Variants in UGT1A8 observed in about 807,000 individuals in gnomAD.
UGT1A8 encodes the protein UDP-glucuronosyltransferase 1A8.
In UGT1A8, 39 loss-of-function variants were observed where a neutral mutation model predicts 45.3. The ratio of observed to expected loss-of-function variants is 0.86; its 90% CI spans 0.67 to 1.12. The LOEUF is 1.12. UGT1A8 is among the 50% of genes most tolerant of loss of function. UGT1A8 has a pLI of 0.00. For synonymous variants in UGT1A8, 275 were observed against 249.2 expected (o/e 1.10, Z -0.97); for missense variants, 719 against 664.9 (o/e 1.08, Z -0.90).
At chr2:233,687,583 T>TAA (rs71398794) in intron 1 of UGT1A8, among the ~76,000 whole-genome samples, 17 of 107,406 alleles carry the variant, frequency 1.6e-4, no homozygotes, top group Admixed American at 4.2e-4. Flanking sequence ...ACATTCTTTG[T>TAA]AAAAAAAAAA....
chr2:233,699,542 A>G (rs572056106), intron 1 of UGT1A8, among the ~76,000 whole-genome samples: 2 of 152,328 alleles, frequency 1.3e-5, no homozygotes, highest in East Asian at 3.9e-4. Context: ...CATTCACATC[A>G]TAGAGCCAGG....
intron 1 of UGT1A8, among the ~76,000 whole-genome samples, chr2:233,629,730 A>G (rs985711746): frequency 2.0e-5 from 3 of 152,154 alleles, no homozygotes; most frequent in African/African-American, 4.8e-5. Flanking sequence ...TGGATTCATC[A>G]GTGTTGTCAT....
intron 1 of UGT1A8, among the ~76,000 whole-genome samples, chr2:233,724,704 C>T (rs867669613): frequency 2.8e-5 from 4 of 144,994 alleles, no homozygotes; most frequent in Non-Finnish European, 6.0e-5. Flanking sequence ...AGACGCTCCT[C>T]GCTTTCCAGA....
chr2:233,716,819 C>A (rs1378965211), intron 1 of UGT1A8, among the ~76,000 whole-genome samples: 1 of 152,146 alleles, frequency 6.6e-6, no homozygotes, highest in Non-Finnish European at 1.5e-5. Flanking sequence ...GCTGGGGTGA[C>A]CTCACTGACA....
rs574966930 is a variant in UGT1A8 at position 233,766,325 on chromosome 2, G to A, written c.856-709G>A. ...CCTCCGACTGCCTCAGCCAAACTCC[G>A]CGTTGTTCTGCTGGTCAGTGGCCTG... On this transcript the variant is annotated intron_variant, in intron 1 of 4. Coordinates refer to ENST00000373450, the MANE Select transcript of UGT1A8 (RefSeq NM_019076.5). Among the ~76,000 whole-genome samples the A allele has an allele frequency of 2.9e-4, 44 of 152,228 alleles. 1 individual carries two copies. The highest frequency in any genetic ancestry group is 4.6e-4 in the Admixed American group (7 of 15,302).
At chr2:233,767,000 A>C (rs750045241) in intron 1 of UGT1A8, 34 bp from the exon 2 acceptor site, 2 of 1,613,618 alleles carry the variant, frequency 1.2e-6, no homozygotes, top group Non-Finnish European at 1.7e-6. Flanking sequence ...GAATATGAGA[A>C]AAAATTAACT....
At chr2:233,661,548 T>A (rs540575133) in intron 1 of UGT1A8, among the ~76,000 whole-genome samples, 61 of 152,298 alleles carry the variant, frequency 4.0e-4, no homozygotes, top group Non-Finnish European at 6.8e-4. Context: ...ATTTTTAATA[T>A]GAGATAAAAA....
intron 1 of UGT1A8, among the ~76,000 whole-genome samples, chr2:233,687,918 A>C (rs557548232): frequency 3.3e-5 from 5 of 152,284 alleles, no homozygotes; most frequent in African/African-American, 1.2e-4. Flanking sequence ...AAAATAAATA[A>C]ATCAATAAAT....
chr2:233,757,543 T>C (rs1575752289), intron 1 of UGT1A8, among the ~76,000 whole-genome samples: 1 of 117,334 alleles, frequency 8.5e-6, no homozygotes, highest in African/African-American at 3.6e-5. Context: ...GGAATATATA[T>C]ATATATATAT....
At position 233,769,359 on chromosome 2, in the gene UGT1A8, C is replaced by T. The variant is rs1218131588; in HGVS notation, c.1295+920C>T. 6.6e-6 allele frequency among the ~76,000 whole-genome samples: 1 copy of T among 152,174 alleles called. No individual in the cohort carries two copies. Among genetic ancestry groups the T allele is most frequent in the Non-Finnish European group, 1.5e-5 (1 of 68,040 alleles). On this transcript the variant is annotated intron_variant, in intron 4 of 4. Transcript: ENST00000373450. The surrounding 1 kb of genome is among the most constrained non-coding windows in gnomAD (Gnocchi z 4.4). ...AGAACCTTATGGGAAGAAGTGGTGG[C>T]CAGTGGTAGATTTCATCCGACAATA...
intron 1 of UGT1A8, among the ~76,000 whole-genome samples, chr2:233,716,003 G>A (rs1213854851): frequency 6.6e-6 from 1 of 152,118 alleles, no homozygotes; most frequent in African/African-American, 2.4e-5. Context: ...AACCCAAAAT[G>A]ACTTTAATCT....
chr2:233,662,012 G>A (rs1048427106), intron 1 of UGT1A8, among the ~76,000 whole-genome samples: 3 of 152,068 alleles, frequency 2.0e-5, no homozygotes, highest in African/African-American at 7.2e-5. Context: ...GTGGATACTT[G>A]CAACACTTGA....
At chr2:233,673,483 C>T (rs2074259573) in intron 1 of UGT1A8, among the ~76,000 whole-genome samples, 2 of 152,030 alleles carry the variant, frequency 1.3e-5, no homozygotes, top group South Asian at 2.1e-4. Context: ...CATATTCTTG[C>T]TTTTATCTTA....
intron 1 of UGT1A8, among the ~76,000 whole-genome samples, chr2:233,627,765 T>C (rs984903616): frequency 4.0e-5 from 6 of 151,846 alleles, no homozygotes; most frequent in African/African-American, 1.5e-4. Context: ...GCTCAGCCTA[T>C]GGTCCCAATC....
chr2:233,768,076 A>G (rs1699558493), intron 3 of UGT1A8, 140 bp downstream of exon 3: 2 of 1,593,048 alleles, frequency 1.3e-6, no homozygotes, highest in African/African-American at 1.3e-5. Flanking sequence ...CTAGTGGGGT[A>G]TCTCAACCCA....
intron 1 of UGT1A8, among the ~76,000 whole-genome samples, chr2:233,663,788 G>A (rs17862853): frequency 3.7e-3 from 558 of 152,298 alleles, no homozygotes; most frequent in Non-Finnish European, 5.0e-3. Context: ...AAGCAAGATG[G>A]AGTCAGTTAA....
chr2:233,747,263 T>C (rs1693601928), intron 1 of UGT1A8: 3 of 1,599,140 alleles, frequency 1.9e-6, no homozygotes, highest in East Asian at 2.2e-5. Context: ...ACAGGAGTGC[T>C]ACTCCTTCTC....
chr2:233,713,783 T>C (rs2012734), intron 1 of UGT1A8: 779,630 of 1,588,962 alleles, frequency 0.49, 199,785 homozygotes, highest in African/African-American at 0.75. Context: ...TTGTGATGGA[T>C]TACCCCAGGC....
rs994477735 is a variant in UGT1A8, at chr2:233,769,472, T to C, written c.1295+1033T>C. Reference sequence around the variant, plus strand: ...ACGTGTGCATTCATATGCGTGTGTGTGTGTGTGCGTGTGTTTATGAGAGTG... The same window carrying C: ...ACGTGTGCATTCATATGCGTGTGTGCGTGTGTGCGTGTGTTTATGAGAGTG... On this transcript the variant is annotated intron_variant, in intron 4 of 4. Transcript: ENST00000373450. The surrounding 1 kb of genome is among the most constrained non-coding windows in gnomAD (Gnocchi z 4.4). 4.2e-5 allele frequency: 68 copies of C among 1,609,292 alleles called. No homozygotes were observed. In the African/African-American group the frequency reaches 8.3e-4, roughly 20 times the overall value.
Sources: gnomAD v4.1 joint callset for allele counts (sites outside exome capture counted in the v4.1 genomes callset) on GRCh38, gnomAD v4.1.1 for gene constraint, Gnocchi (gnomAD v3.1) non-coding constraint, MANE v1.5 for transcripts, NCBI Gene and HGNC (gene_info 2026-07-23, HGNC 2026-07-21) for gene names.